YEATS4: variants seen among roughly 807,000 people sequenced by gnomAD.
YEATS4 encodes the protein YEATS domain containing 4.
YEATS4 carries 17 observed loss-of-function variants against 30.1 expected under a neutral mutation model. That is an observed-to-expected ratio of 0.56 (90% CI 0.39 to 0.85). The LOEUF (loss-of-function observed/expected upper bound fraction) is 0.85, where lower values mean the gene tolerates loss of function less well. YEATS4 is among the 40% of genes least tolerant of loss of function. The pLI, the probability that YEATS4 is intolerant of heterozygous loss-of-function variation, is 0.00. For missense variants in YEATS4, 142 were observed against 268.3 expected (o/e 0.53, Z 3.29); for synonymous variants, 85 against 87.5 (o/e 0.97, Z 0.16).
rs149107018 is a variant in YEATS4 at position 69,387,058 on chromosome 12, G to C, written c.515-3089G>C. ...ACTCACCTATTTTCAGACCGCTATTGACAGTGGCTAACTGTAAGCATGGAA... is the reference window on the plus strand; with the variant it reads ...ACTCACCTATTTTCAGACCGCTATTCACAGTGGCTAACTGTAAGCATGGAA... On this transcript the variant is annotated intron_variant, in intron 6 of 6. Transcript: ENST00000247843. Among the ~76,000 whole-genome samples, 379 of 151,406 alleles carry C rather than the reference G, an allele frequency of 2.5e-3. 1 individual carries two copies. Among genetic ancestry groups the C allele is most frequent in the African/African-American group, 8.9e-3 (367 of 41,178 alleles).
At chr12:69,395,790 AG>A (rs1868347627), downstream of YEATS4, among the ~76,000 whole-genome samples, 1 of 152,218 alleles carries the variant, frequency 6.6e-6, no homozygotes, top group African/African-American at 2.4e-5. Context: ...GGACTCCTTC[AG>A]GAACTTTACT....
chr12:69,422,630 C>CAAAAAAAAAAA, the YEATS4 span: 2 of 40,482 alleles, frequency 4.9e-5, no homozygotes, highest in African/African-American at 2.1e-4. Context: ...GACCCTGTCT[C>CAAAAAAAAAAA]AAAAAAAAAA....
At chr12:69,379,275 CCTT>C (rs1246013490) in intron 6 of YEATS4, among the ~76,000 whole-genome samples, 2 of 152,098 alleles carry the variant, frequency 1.3e-5, no homozygotes, top group Non-Finnish European at 2.9e-5. Context: ...TGTTCTATAA[CCTT>C]CTTGTACTTG....
chr12:69,389,995 C>T, intron 6 of YEATS4, 152 bp from the exon 7 acceptor site: 1 of 552,604 alleles, frequency 1.8e-6, no homozygotes, highest in Admixed American at 4.1e-5. Flanking sequence ...TTCCCCTCCC[C>T]CAACCTGCAC....
chr12:69,383,097 CA>C (rs201308710), intron 6 of YEATS4, among the ~76,000 whole-genome samples: 4 of 151,866 alleles, frequency 2.6e-5, no homozygotes, highest in African/African-American at 7.2e-5. Context: ...CCCATCTCTA[CA>C]AAAAAAATTT....
At chr12:69,419,729 C>G in the YEATS4 span, among the ~76,000 whole-genome samples, 1 of 152,128 alleles carries the variant, frequency 6.6e-6, no homozygotes, top group Non-Finnish European at 1.5e-5. Context: ...TCCCTACTCT[C>G]AAAGAGCATA....
intron 6 of YEATS4, among the ~76,000 whole-genome samples, chr12:69,382,315 G>C (rs972363987): frequency 1.3e-5 from 2 of 152,202 alleles, no homozygotes; most frequent in Non-Finnish European, 2.9e-5. Context: ...GGTAGGTCCA[G>C]AGATTCTGTC....
At chr12:69,389,282 T>C (rs1410357908) in intron 6 of YEATS4, among the ~76,000 whole-genome samples, 1 of 151,616 alleles carries the variant, frequency 6.6e-6, no homozygotes, top group Non-Finnish European at 1.5e-5. Context: ...AAACCCCGTC[T>C]CTACTAAAAT....
chr12:69,393,466 CTT>C (rs1057362172), downstream of YEATS4, among the ~76,000 whole-genome samples: 7 of 148,370 alleles, frequency 4.7e-5, no homozygotes, highest in East Asian at 2.0e-4. Flanking sequence ...GACCTTGTCT[CTT>C]TTAAAAAAAG....
chr12:69,361,343 C>T (rs1330632534), intron 1 of YEATS4: 1 of 152,146 alleles, frequency 6.6e-6, no homozygotes. Flanking sequence ...GCAATCTCGG[C>T]TCTCCGCAAC....
chr12:69,360,575 A>C (rs866765939), intron 1 of YEATS4, among the ~76,000 whole-genome samples: 1 of 152,144 alleles, frequency 6.6e-6, no homozygotes, highest in South Asian at 2.1e-4. Context: ...GTAAATGTCA[A>C]CTTCTTTTGT....
the YEATS4 span, among the ~76,000 whole-genome samples, chr12:69,418,056 G>A: frequency 1.1e-4 from 17 of 152,226 alleles, no homozygotes; most frequent in Admixed American, 6.5e-5. Context: ...TGAAATCAAA[G>A]GTCATTCTTC....
chr12:69,388,813 C>T (rs893547078), intron 6 of YEATS4, among the ~76,000 whole-genome samples: 1 of 152,142 alleles, frequency 6.6e-6, no homozygotes, highest in Admixed American at 6.6e-5. Context: ...GTCTTCTCAA[C>T]AGGCTGGGTG....
chr12:69,360,719 G>A (rs1010622315), intron 1 of YEATS4, among the ~76,000 whole-genome samples: 13 of 150,396 alleles, frequency 8.6e-5, no homozygotes, highest in African/African-American at 3.2e-4. Flanking sequence ...AGGCTGGAGC[G>A]CAATGGCACG....
chr12:69,375,880 A>G (rs953486405), intron 6 of YEATS4, among the ~76,000 whole-genome samples: 1 of 150,772 alleles, frequency 6.6e-6, no homozygotes, highest in African/African-American at 2.5e-5. Flanking sequence ...TCGGCATCAG[A>G]GGGAGACCGC....
chr12:69,374,573 G>T (rs1376474227), intron 6 of YEATS4, among the ~76,000 whole-genome samples: 1 of 152,076 alleles, frequency 6.6e-6, no homozygotes, highest in Admixed American at 6.5e-5. Context: ...CGCAGTGTTT[G>T]TGTCCCTGGG....
At chr12:69,364,831 G>T (rs1875367321) in intron 2 of YEATS4, among the ~76,000 whole-genome samples, 1 of 151,958 alleles carries the variant, frequency 6.6e-6, no homozygotes, top group Non-Finnish European at 1.5e-5. Context: ...TGTTGGCCAG[G>T]CTGGTCTCAA....
the YEATS4 span, among the ~76,000 whole-genome samples, chr12:69,398,452 T>A: frequency 6.6e-6 from 1 of 152,152 alleles, no homozygotes; most frequent in Non-Finnish European, 1.5e-5. Context: ...AAATTTCATT[T>A]ATAATAACAT....
At chr12:69,412,099 G>A in the YEATS4 span, among the ~76,000 whole-genome samples, 2 of 152,202 alleles carry the variant, frequency 1.3e-5, no homozygotes, top group African/African-American at 4.8e-5. Flanking sequence ...AGGTGATGAG[G>A]GTCGGGAGCA....
Sources: gnomAD v4.1 joint callset for allele counts (sites outside exome capture counted in the v4.1 genomes callset) on GRCh38, gnomAD v4.1.1 for gene constraint, MANE v1.5 for transcripts, NCBI Gene and HGNC (gene_info 2026-07-23, HGNC 2026-07-21) for gene names.